Variants in TMEM59 observed in about 807,000 individuals in gnomAD.
TMEM59 encodes dendritic cell factor 1.
TMEM59 carries 44 observed loss-of-function variants against 42.2 expected under a neutral mutation model. The ratio of observed to expected loss-of-function variants is 1.04; its 90% confidence interval spans 0.82 to 1.34. The LOEUF (loss-of-function observed/expected upper bound fraction) is 1.34, where lower values mean the gene tolerates loss of function less well. Ranked by LOEUF, TMEM59 falls within the 40% of genes most tolerant of loss-of-function variation. The probability of loss-of-function intolerance (pLI) is 0.00; values close to 1 mark genes in which losing one functional copy is unlikely to be tolerated. For missense variants in TMEM59, 359 were observed against 382.8 expected, an observed-to-expected ratio of 0.94 and a Z score of 0.52; for synonymous variants, 148 against 145.8, an observed-to-expected ratio of 1.02 and a Z score of -0.11.
chr1:54,040,475 C>A (rs796222296), intron 6 of TMEM59, among the ~76,000 whole-genome samples: 1 of 152,148 alleles, frequency 6.6e-6, no homozygotes, highest in Non-Finnish European at 1.5e-5. Flanking sequence ...TAAATTAAAG[C>A]TTAATTTAAA....
intron 4 of TMEM59, among the ~76,000 whole-genome samples, chr1:54,042,460 C>T (rs1286787437): frequency 6.6e-6 from 1 of 152,048 alleles, no homozygotes; most frequent in African/African-American, 2.4e-5. Context: ...GGACCTAGAA[C>T]TTGTTCATGA....
chr1:54,032,063 G>T lies in TMEM59; in HGVS notation c.*87C>A. 1 of 1,237,856 alleles carries T rather than the reference G, an allele frequency of 8.1e-7. No homozygotes were observed. Among genetic ancestry groups the T allele is most frequent in the Non-Finnish European group, 1.1e-6 (1 of 916,444 alleles). The allele number at this position is 1,237,856 out of a possible 1,614,324, so 76.7% of individuals were successfully genotyped here. ...TTGCATTTTATAGTGATTTCTTAAG[G>T]CCTATATCCAATGAAACCATTTTAA... is the stretch of plus-strand genomic sequence containing the variant. On this transcript the variant is annotated 3_prime_UTR_variant, in exon 8 of 8. Transcript: ENST00000234831.
intron 6 of TMEM59, among the ~76,000 whole-genome samples, chr1:54,039,691 C>T (rs1443401168): frequency 6.6e-6 from 1 of 152,130 alleles, no homozygotes; most frequent in African/African-American, 2.4e-5. Context: ...TAGAACAGTC[C>T]ACTAGAATGA....
rs1162511878 is a variant in TMEM59 at position 54,045,774 on chromosome 1, G to A, written c.308C>T (p.Ala103Val). 1 of 1,613,518 alleles carries A rather than the reference G, an allele frequency of 6.2e-7. No individual in the cohort carries two copies. Among genetic ancestry groups the A allele is most frequent in the African/African-American group, 1.3e-5 (1 of 75,032 alleles). Residue 103 changes from alanine to valine, a missense_variant, in exon 3 of 8, where the codon GCA becomes GTA. By Grantham distance (64) the Ala-to-Val change is moderately conservative (BLOSUM62 0). Coordinates refer to ENST00000234831, the MANE Select transcript of TMEM59 (RefSeq NM_004872.5). The part of the protein sequence containing the change: ...KLECESACTE[A>V]YSQSDEQYAC... ...ATATTGCTCATCAGATTGGGAATAT[G>A]CTTCTGTACATGCTGTAAGAGAAAA...
chr1:54,051,696 T>C (rs541040399), intron 1 of TMEM59, among the ~76,000 whole-genome samples: 1 of 152,310 alleles, frequency 6.6e-6, no homozygotes, highest in South Asian at 2.1e-4. Context: ...TACAATCCTC[T>C]TAATGATGAG....
At chr1:54,051,351 C>CTGTTAG (rs1657532543) in intron 1 of TMEM59, among the ~76,000 whole-genome samples, 1 of 152,146 alleles carries the variant, frequency 6.6e-6, no homozygotes, top group African/African-American at 2.4e-5. Flanking sequence ...TGATAAATCT[C>CTGTTAG]CCATCACTCT....
At chr1:54,041,064 C>T (rs550454893) in intron 5 of TMEM59, among the ~76,000 whole-genome samples, 77 of 152,290 alleles carry the variant, frequency 5.1e-4, no homozygotes, top group Non-Finnish European at 9.4e-4. Flanking sequence ...GACATTGATG[C>T]TTTCTGCTTA....
chr1:54,036,427 G>C (rs1465363372), intron 7 of TMEM59, among the ~76,000 whole-genome samples, 183 bp downstream of exon 7: 1 of 152,096 alleles, frequency 6.6e-6, no homozygotes, highest in Non-Finnish European at 1.5e-5. Context: ...AGAAAGCTGA[G>C]AACAACAATT....
intron 7 of TMEM59, among the ~76,000 whole-genome samples, chr1:54,032,905 T>C (rs1225626075): frequency 2.6e-5 from 4 of 151,598 alleles, no homozygotes; most frequent in Admixed American, 1.3e-4. Context: ...CTTAGATATA[T>C]GTATGAATGT....
intron 1 of TMEM59, among the ~76,000 whole-genome samples, chr1:54,050,603 G>A (rs1025173536): frequency 3.4e-5 from 5 of 145,402 alleles, no homozygotes; most frequent in African/African-American, 1.0e-4. Context: ...CCCTCTTGTC[G>A]CCCAGGCTGG....
At chr1:54,033,799 C>A (rs1389887860) in intron 7 of TMEM59, 1 of 151,756 alleles carries the variant, frequency 6.6e-6, no homozygotes, top group Non-Finnish European at 1.5e-5. Flanking sequence ...ATAAAGAGCA[C>A]CTTCAAGAGT....
At chr1:54,032,438 A>G in intron 7 of TMEM59, 133 bp from the exon 8 acceptor site, 1 of 922,776 alleles carries the variant, frequency 1.1e-6, no homozygotes, top group Non-Finnish European at 1.5e-6. Flanking sequence ...AAAGAAGAAT[A>G]CTTTTTCTCA....
intron 2 of TMEM59, among the ~76,000 whole-genome samples, 184 bp downstream of exon 2, chr1:54,047,083 G>A (rs553119651): frequency 6.6e-6 from 1 of 152,314 alleles, no homozygotes; most frequent in South Asian, 2.1e-4. Flanking sequence ...ACAAACAGAT[G>A]AAATTTAAAG....
chr1:54,052,988 G>A lies in TMEM59; in HGVS notation c.189+12C>T, dbSNP rs1485718179. The A allele has an allele frequency of 1.0e-5, 16 of 1,604,100 alleles. No homozygotes were observed. The highest frequency in any genetic ancestry group is 1.4e-5 in the Non-Finnish European group (16 of 1,172,764). Reference sequence around the variant, plus strand: ...AAGGGAAGGGTCGCAGCCCGCTCCGGACGGGCCCTACCTTAGGGTAGGTGT... The same window carrying A: ...AAGGGAAGGGTCGCAGCCCGCTCCGAACGGGCCCTACCTTAGGGTAGGTGT... On this transcript the variant is annotated intron_variant, in intron 1 of 7. Transcript: ENST00000234831.
intron 6 of TMEM59, among the ~76,000 whole-genome samples, chr1:54,037,952 G>C (rs561276517): frequency 6.6e-6 from 1 of 152,030 alleles, no homozygotes; most frequent in Non-Finnish European, 1.5e-5. Context: ...GAAAACTGGG[G>C]CTCATCCCTT....
upstream of TMEM59, chr1:54,053,411 T>G (rs1379898266): frequency 3.5e-6 from 2 of 576,488 alleles, no homozygotes; most frequent in African/African-American, 1.9e-5. Flanking sequence ...AATTCAACCA[T>G]CGCAAGCGTT....
At chr1:54,034,687 T>C (rs1656887027) in intron 7 of TMEM59, 1 of 152,244 alleles carries the variant, frequency 6.6e-6, no homozygotes, top group Non-Finnish European at 1.5e-5. Context: ...GACACAAGAA[T>C]CGCTTGAACC....
intron 1 of TMEM59, 104 bp from the exon 2 acceptor site, chr1:54,047,476 C>A: frequency 1.1e-6 from 1 of 892,820 alleles, no homozygotes. Flanking sequence ...TATTACAAAT[C>A]GTCCAGTAAG....
At chr1:54,033,116 T>G (rs1358195760) in intron 7 of TMEM59, 1 of 123,500 alleles carries the variant, frequency 8.1e-6, no homozygotes, top group Non-Finnish European at 1.6e-5. Flanking sequence ...TCTTTCTTTC[T>G]TTTTTTTTTC....
Sources: allele counts gnomAD v4.1 joint callset (sites outside exome capture counted in the v4.1 genomes callset), GRCh38; gene constraint gnomAD v4.1.1; transcripts MANE v1.5; gene names NCBI Gene and HGNC (gene_info 2026-07-23, HGNC 2026-07-21).